STX11: variants seen among roughly 807,000 people sequenced by gnomAD.
STX11 encodes syntaxin-11.
A neutral mutation model predicts 19.9 loss-of-function variants in STX11; 21 were observed. That is an observed-to-expected ratio of 1.06 (90% confidence interval 0.75 to 1.52). The LOEUF (loss-of-function observed/expected upper bound fraction) is 1.52. Ranked by LOEUF, STX11 falls within the 40% of genes most tolerant of loss-of-function variation. The pLI is 0.00. For missense variants in STX11, 438 were observed against 405.9 expected (o/e 1.08, Z -0.68); for synonymous variants, 193 against 174.4 (o/e 1.11, Z -0.84).
chr6:144,156,625 G>T (rs1801175767), intron 1 of STX11, among the ~76,000 whole-genome samples: 2 of 152,102 alleles, frequency 1.3e-5, no homozygotes, highest in African/African-American at 4.8e-5. Context: ...TTTCAGGATT[G>T]CAGCAATCTC....
upstream of STX11, among the ~76,000 whole-genome samples, chr6:144,146,642 T>G (rs191890340): frequency 6.6e-6 from 1 of 152,242 alleles, no homozygotes; most frequent in African/African-American, 2.4e-5. This position sits in a 1 kb window ranked among gnomAD's most constrained non-coding sequence, Gnocchi z 4.4. Context: ...TAAAATATGT[T>G]CTTGCCTCCA....
At chr6:144,140,209 C>CATAAATATATAT in the STX11 span, among the ~76,000 whole-genome samples, 2 of 44,468 alleles carry the variant, frequency 4.5e-5, no homozygotes, top group African/African-American at 9.1e-5. Context: ...GGTCAATTCA[C>CATAAATATATAT]ATATATATAT....
In STX11 at chr6:144,191,705, TTG is replaced by T. The variant is rs1326275539; in HGVS notation, c.*4216_*4217del. Among the ~76,000 whole-genome samples, 1 of 152,212 alleles carries T rather than the reference TTG, an allele frequency of 6.6e-6. No individual in the cohort carries two copies. The highest frequency in any genetic ancestry group is 1.9e-4 in the East Asian group (1 of 5,198). On this transcript the variant is annotated 3_prime_UTR_variant, in exon 2 of 2. Transcript: ENST00000367568. The stretch of plus-strand genomic sequence containing the variant: ...CAAGACGATAGTTTGAAACACCCAA[TTG>T]TAATCAGAGCAACAGTTGACTTCCT...
rs1802045695 is a variant in STX11 at position 144,186,681 on chromosome 6, G to T, written c.54G>T (p.Gln18His). ...ACTTGTCCAAGCAATATGACCAGCA[G>T]TTCCCAGACGGGGACGATGAGTTTG... is the stretch of plus-strand genomic sequence containing the variant. ...LLDLSKQYDQQFPDGDDEFDS... is the reference protein window; with the variant it reads ...LLDLSKQYDQHFPDGDDEFDS... The change falls in exon 2 of 2, where the codon CAG (glutamine) becomes CAT (histidine). Residue 18 changes from glutamine (Q) to histidine (H), a missense_variant. Coordinates refer to ENST00000367568, the MANE Select transcript of STX11 (RefSeq NM_003764.4). 2 of 1,614,084 alleles carry T rather than the reference G, an allele frequency of 1.2e-6. No individual in the cohort carries two copies. Among genetic ancestry groups the T allele is most frequent in the Admixed American group, 1.7e-5 (1 of 60,000 alleles).
intron 1 of STX11, among the ~76,000 whole-genome samples, chr6:144,168,150 A>G (rs530287192): frequency 1.9e-3 from 291 of 152,332 alleles, no homozygotes; most frequent in African/African-American, 6.8e-3. Flanking sequence ...TGTAGGTGAG[A>G]AGAAACATCA....
chr6:144,140,238 A>T, the STX11 span, among the ~76,000 whole-genome samples: 4 of 47,992 alleles, frequency 8.3e-5, no homozygotes, highest in East Asian at 5.3e-4. Flanking sequence ...ATATATATAT[A>T]TATATATATA....
rs1163311898 is a variant in STX11 at position 144,180,953 on chromosome 6, A to G, written c.-5-5670A>G. Among the ~76,000 whole-genome samples, 1 of 152,236 alleles carries G rather than the reference A, an allele frequency of 6.6e-6. No individual in the cohort carries two copies. Among genetic ancestry groups the G allele is most frequent in the African/African-American group, 2.4e-5 (1 of 41,462 alleles). ...CATGTACCTGAGGGTGCCTCATCAT[A>G]GTAAGCTCAGTCTTCAATTTTATTC... is the stretch of plus-strand genomic sequence containing the variant. On this transcript the variant is annotated intron_variant, in intron 1 of 1. Coordinates refer to ENST00000367568, the MANE Select transcript of STX11 (RefSeq NM_003764.4). The surrounding 1 kb of genome is among the most constrained non-coding windows in gnomAD (Gnocchi z 5.3).
Position 144,187,553 on chromosome 6 carries a change from C to G in STX11, c.*62C>G. 6.2e-7 allele frequency: 1 copy of G among 1,606,316 alleles called. No individual in the cohort carries two copies. The highest frequency in any genetic ancestry group is 8.5e-7 in the Non-Finnish European group (1 of 1,177,166). On this transcript the variant is annotated 3_prime_UTR_variant, in exon 2 of 2. Coordinates refer to ENST00000367568, the MANE Select transcript of STX11 (RefSeq NM_003764.4). This position sits in a 1 kb window ranked among gnomAD's most constrained non-coding sequence, Gnocchi z 5.6. ...ATGGAGCGCGCTGGGAAGGACGCACCAAAGCCGGGAGCTCTGCCCTGCAGG... is the reference window on the plus strand; with the variant it reads ...ATGGAGCGCGCTGGGAAGGACGCACGAAAGCCGGGAGCTCTGCCCTGCAGG...
At chr6:144,140,056 G>A in the STX11 span, among the ~76,000 whole-genome samples, 2 of 151,212 alleles carry the variant, frequency 1.3e-5, no homozygotes, top group East Asian at 2.0e-4. Context: ...GGAAAGGAGC[G>A]AGGGACTGAC....
rs776978578 is a variant in STX11 at position 144,183,488 on chromosome 6, C to T, written c.-5-3135C>T. The stretch of plus-strand genomic sequence containing the variant: ...TCAAAACAAATGCACACTTGAAAAG[C>T]TTTTGATACATATTACTAAACTGAC... On this transcript the variant is annotated intron_variant, in intron 1 of 1. Coordinates refer to ENST00000367568, the MANE Select transcript of STX11 (RefSeq NM_003764.4). This position sits in a 1 kb window ranked among gnomAD's most constrained non-coding sequence, Gnocchi z 4.6. Among the ~76,000 whole-genome samples, 64 of 152,254 alleles carry T rather than the reference C, an allele frequency of 4.2e-4. No individual in the cohort carries two copies. The highest frequency in any genetic ancestry group is 7.8e-4 in the Non-Finnish European group (53 of 68,018).
At position 144,162,506 on chromosome 6, in the gene STX11, G is replaced by A. The variant is rs573202126; in HGVS notation, c.-6+11803G>A. Among the ~76,000 whole-genome samples, 1 of 152,314 alleles carries A rather than the reference G, an allele frequency of 6.6e-6. No individual in the cohort carries two copies. The highest frequency in any genetic ancestry group is 2.1e-4 in the South Asian group (1 of 4,834). ...TTCAATTTGCTATTTTATCCAGAAT[G>A]TGGAAGGCGTCTTCAAAAATGCAAA... On this transcript the variant is annotated intron_variant, in intron 1 of 1. Coordinates refer to ENST00000367568, the MANE Select transcript of STX11 (RefSeq NM_003764.4). This position sits in a 1 kb window ranked among gnomAD's most constrained non-coding sequence, Gnocchi z 4.6.
rs117518169 is a variant in STX11 at position 144,158,496 on chromosome 6, A to G, written c.-6+7793A>G. 4.2e-3 allele frequency among the ~76,000 whole-genome samples: 645 copies of G among 152,352 alleles called. 4 individuals are homozygous for G. The highest frequency in any genetic ancestry group is 0.014 in the Middle Eastern group (4 of 294). ...AATCAGTAAACTTTCTAGGAGAATAAGAAGGTTTCAGGATATCTTATGCCA... is the reference window on the plus strand; with the variant it reads ...AATCAGTAAACTTTCTAGGAGAATAGGAAGGTTTCAGGATATCTTATGCCA... On this transcript the variant is annotated intron_variant, in intron 1 of 1. Transcript: ENST00000367568.
Position 144,176,359 on chromosome 6 carries a change from C to G in STX11, c.-5-10264C>G, listed in dbSNP as rs919771642. On this transcript the variant is annotated intron_variant, in intron 1 of 1. Transcript: ENST00000367568. This position sits in a 1 kb window ranked among gnomAD's most constrained non-coding sequence, Gnocchi z 4.1. ...GGGTGAACTTAACTTCTCCGAGACC[C>G]AGTTATTAGTAAATCGAAAATGATG... Among the ~76,000 whole-genome samples the G allele has an allele frequency of 3.9e-5, 6 of 152,110 alleles. No homozygotes were observed. Among genetic ancestry groups the G allele is most frequent in the Non-Finnish European group, 5.9e-5 (4 of 68,028 alleles).
In STX11 at chr6:144,187,672, T is replaced by C; in HGVS notation, c.*181T>C. 1.3e-6 allele frequency: 1 copy of C among 770,222 alleles called. No individual in the cohort carries two copies. The highest frequency in any genetic ancestry group is 1.8e-5 in the African/African-American group (1 of 56,952). The allele number at this position is 770,222 out of a possible 1,614,324, so 47.7% of individuals were successfully genotyped here. ...AGCCTGTGCTTGGAAAGATGGTTAG[T>C]TGATACCGTCCGATGATTCTTCAGT... is the stretch of plus-strand genomic sequence containing the variant. On this transcript the variant is annotated 3_prime_UTR_variant, in exon 2 of 2. Transcript: ENST00000367568. The surrounding 1 kb of genome is among the most constrained non-coding windows in gnomAD (Gnocchi z 5.6).
chr6:144,167,971 AT>A lies in STX11; in HGVS notation c.-6+17269del, dbSNP rs532936849. Among the ~76,000 whole-genome samples the A allele has an allele frequency of 2.0e-3, 298 of 152,346 alleles. No individual in the cohort carries two copies. Among genetic ancestry groups the A allele is most frequent in the African/African-American group, 6.9e-3 (286 of 41,582 alleles). ...CACATAAGTACTTATGGTAAAAAAA[AT>A]AACATACCATTAATACAGTGAAAAA... On this transcript the variant is annotated intron_variant, in intron 1 of 1. Transcript: ENST00000367568. This position sits in a 1 kb window ranked among gnomAD's most constrained non-coding sequence, Gnocchi z 5.0.
rs1283911990 is a variant in STX11, at chr6:144,172,983, TA to T, written c.-5-13639del. Among the ~76,000 whole-genome samples, 1 of 152,236 alleles carries T rather than the reference TA, an allele frequency of 6.6e-6. No individual in the cohort carries two copies. The highest frequency in any genetic ancestry group is 1.5e-5 in the Non-Finnish European group (1 of 68,040). On this transcript the variant is annotated intron_variant, in intron 1 of 1. Coordinates refer to ENST00000367568, the MANE Select transcript of STX11 (RefSeq NM_003764.4). The surrounding 1 kb of genome is among the most constrained non-coding windows in gnomAD (Gnocchi z 4.2). ...TTACCAGGTGCCCCTGATCCTGGGC[TA>T]GGCCATGTTCCTTGATTAGGACCCA...
In STX11 at chr6:144,153,068, G is replaced by C. The variant is rs1322818188; in HGVS notation, c.-6+2365G>C. On this transcript the variant is annotated intron_variant, in intron 1 of 1. Coordinates refer to ENST00000367568, the MANE Select transcript of STX11 (RefSeq NM_003764.4). This position sits in a 1 kb window ranked among gnomAD's most constrained non-coding sequence, Gnocchi z 5.0. ...TAAATCTACCGTATCACAGTTTACTGTTGCAATTGAAATCTGCTGAGATGC... is the reference window on the plus strand; with the variant it reads ...TAAATCTACCGTATCACAGTTTACTCTTGCAATTGAAATCTGCTGAGATGC... 6.6e-6 allele frequency among the ~76,000 whole-genome samples: 1 copy of C among 152,234 alleles called. No individual in the cohort carries two copies. Among genetic ancestry groups the C allele is most frequent in the African/African-American group, 2.4e-5 (1 of 41,456 alleles).
In STX11 at chr6:144,151,620, G is replaced by C. The variant is rs1217792804; in HGVS notation, c.-6+917G>C. Among the ~76,000 whole-genome samples, 3 of 152,194 alleles carry C rather than the reference G, an allele frequency of 2.0e-5. No homozygotes were observed. The highest frequency in any genetic ancestry group is 2.9e-5 in the Non-Finnish European group (2 of 68,046). ...AGTAAAGGTCACTGGGCTGATCTAA[G>C]ATAACCATTGAAATCATGTGCTTTG... On this transcript the variant is annotated intron_variant, in intron 1 of 1. Coordinates refer to ENST00000367568, the MANE Select transcript of STX11 (RefSeq NM_003764.4). This position sits in a 1 kb window ranked among gnomAD's most constrained non-coding sequence, Gnocchi z 4.6.
Position 144,169,758 on chromosome 6 carries a change from T to A in STX11, c.-5-16865T>A, listed in dbSNP as rs180734297. 3.1e-4 allele frequency among the ~76,000 whole-genome samples: 46 copies of A among 148,290 alleles called. No homozygotes were observed. Among genetic ancestry groups the A allele is most frequent in the African/African-American group, 1.1e-3 (46 of 40,722 alleles). ...TGGAGTGCAGTGGCACAATCATAGC[T>A]CACTGCAGCCTCAAACTCCTGGGCT... On this transcript the variant is annotated intron_variant, in intron 1 of 1. Transcript: ENST00000367568. The surrounding 1 kb of genome is among the most constrained non-coding windows in gnomAD (Gnocchi z 5.2).
Sources: gnomAD v4.1 joint callset for allele counts (sites outside exome capture counted in the v4.1 genomes callset) on GRCh38, gnomAD v4.1.1 for gene constraint, Gnocchi (gnomAD v3.1) non-coding constraint, MANE v1.5 for transcripts, NCBI Gene and HGNC (gene_info 2026-07-23, HGNC 2026-07-21) for gene names.